Variants in ESRRG observed in about 807,000 individuals in gnomAD.
ESRRG encodes estrogen related receptor gamma, also known as estrogen-related receptor gamma.
In ESRRG, 13 loss-of-function variants were observed where a neutral mutation model predicts 44.0. The ratio of observed to expected loss-of-function variants is 0.30; its 90% CI spans 0.19 to 0.47. The LOEUF (loss-of-function observed/expected upper bound fraction) is 0.47, where lower values mean the gene tolerates loss of function less well. ESRRG is among the 20% of genes least tolerant of loss of function. The probability of loss-of-function intolerance (pLI) is 1.00; values close to 1 mark genes in which losing one functional copy is unlikely to be tolerated. For synonymous variants in ESRRG, 215 were observed against 214.6 expected (o/e 1.00, Z -0.02); for missense variants, 395 against 580.6 (o/e 0.68, Z 3.29).
At chr1:216,995,539 T>C (rs2076265276) in intron 1 of ESRRG, among the ~76,000 whole-genome samples, 2 of 152,222 alleles carry the variant, frequency 1.3e-5, no homozygotes, top group Admixed American at 1.3e-4. Flanking sequence ...GAATTGCCAC[T>C]TTCTACCGCT....
At chr1:216,751,360 G>T (rs1576140391) in intron 2 of ESRRG, among the ~76,000 whole-genome samples, 1 of 152,126 alleles carries the variant, frequency 6.6e-6, no homozygotes, top group Non-Finnish European at 1.5e-5. Flanking sequence ...GTGAGAAGAG[G>T]TTGCAGAATT....
rs116171848 is a variant in ESRRG at position 216,544,184 on chromosome 1, T to A, written c.862+20035A>T. Among the ~76,000 whole-genome samples the A allele has an allele frequency of 8.6e-3, 1,315 of 152,130 alleles. 20 individuals carry two copies. The highest frequency in any genetic ancestry group is 0.03 in the African/African-American group (1,252 of 41,502). ...CTCAACATCATTGTGCATATGATAATCATTGTCATTATTATTTTTTCATCA... is the reference window on the plus strand; with the variant it reads ...CTCAACATCATTGTGCATATGATAAACATTGTCATTATTATTTTTTCATCA... On this transcript the variant is annotated intron_variant, in intron 5 of 6. Coordinates refer to ENST00000408911, the MANE Select transcript of ESRRG (RefSeq NM_001438.4).
intron 1 of ESRRG, among the ~76,000 whole-genome samples, chr1:217,001,798 G>A (rs2077065730): frequency 6.6e-6 from 1 of 152,092 alleles, no homozygotes. Flanking sequence ...TTTACTGAAG[G>A]AAATGGAGAA....
At position 216,912,187 on chromosome 1, in the gene ESRRG, AGAGGAGAGGAGAGGAGAGGAGAGG is replaced by A. The variant is rs2060505074; in HGVS notation, c.-14+27371_-14+27394del. Among the ~76,000 whole-genome samples the A allele has an allele frequency of 4.0e-3, 38 of 9,412 alleles. 2 individuals carry two copies. The highest frequency in any genetic ancestry group is 0.02 in the African/African-American group (32 of 1,596). 6.2% of individuals were successfully genotyped at this position (9,412 alleles called of 152,430 possible). ...AAAGAAAAGAAAAGAAAAGAAAAGGAGAGGAGAGGAGAGGAGAGGAGAGGAGAGGAGAGGAGAGGAGAGGAGAGG... is the reference window on the plus strand; with the variant it reads ...AAAGAAAAGAAAAGAAAAGAAAAGGAAGAGGAGAGGAGAGGAGAGGAGAGG... On this transcript the variant is annotated intron_variant, in intron 2 of 7. Coordinates refer to the ESRRG transcript ENST00000359162.
At position 216,744,730 on chromosome 1, in the gene ESRRG, T is replaced by C. The variant is rs141283820; in HGVS notation, c.-13-67239A>G. Among the ~76,000 whole-genome samples, 686 of 152,312 alleles carry C rather than the reference T, an allele frequency of 4.5e-3. 18 individuals are homozygous for C. Among genetic ancestry groups the C allele is most frequent in the Admixed American group, 0.025 (375 of 15,298 alleles). ...TAGTCTCTTTTTGGCTACAAATGTG[T>C]CCCATCTTCCATCTGTTCTTCTAGC... On this transcript the variant is annotated intron_variant, in intron 2 of 7. Coordinates refer to the ESRRG transcript ENST00000359162.
chr1:216,734,158 CATTGAGTAAACTTCTTG>C (rs2089430721), intron 2 of ESRRG, among the ~76,000 whole-genome samples: 1 of 152,082 alleles, frequency 6.6e-6, no homozygotes, highest in South Asian at 2.1e-4. Context: ...CTCTGCCTTC[CATTGAGTAAACTTCTTG>C]ATGGCCTTTA....
At chr1:217,101,523 T>A (rs539754091) in intron 1 of ESRRG, among the ~76,000 whole-genome samples, 11 of 152,150 alleles carry the variant, frequency 7.2e-5, no homozygotes, top group Non-Finnish European at 1.5e-4. Flanking sequence ...AGATAGAAAA[T>A]TGAATTAATT....
At chr1:216,630,445 A>AACACACACAT (rs1553438845) in intron 3 of ESRRG, among the ~76,000 whole-genome samples, 1 of 146,388 alleles carries the variant, frequency 6.8e-6, no homozygotes, top group African/African-American at 2.6e-5. Flanking sequence ...TGTGCGTGTG[A>AACACACACAT]ACACACACAC....
chr1:216,927,349 C>T (rs1295829916), intron 2 of ESRRG, among the ~76,000 whole-genome samples: 1 of 152,124 alleles, frequency 6.6e-6, no homozygotes, highest in Non-Finnish European at 1.5e-5. Context: ...GGGAGGGAGC[C>T]TGAAGACGGC....
intron 2 of ESRRG, among the ~76,000 whole-genome samples, chr1:216,751,956 G>A (rs188275800): frequency 6.6e-6 from 1 of 152,256 alleles, no homozygotes; most frequent in East Asian, 1.9e-4. Context: ...GAGTCATTAT[G>A]TAGAATGGGC....
At position 216,801,645 on chromosome 1, in the gene ESRRG, G is replaced by A. The variant is rs11572603; in HGVS notation, c.-13-124154C>T. 3.0e-3 allele frequency among the ~76,000 whole-genome samples: 464 copies of A among 152,210 alleles called. 10 individuals carry two copies. In the East Asian group the frequency reaches 0.04, roughly 13 times the overall value. On this transcript the variant is annotated intron_variant, in intron 2 of 7. Coordinates refer to the ESRRG transcript ENST00000359162. The stretch of plus-strand genomic sequence containing the variant: ...AGGATAGCCATCCTAACAGGTGTGA[G>A]ATGATATGTCATTGTGGTTTCGATT...
intron 1 of ESRRG, chr1:216,701,595 A>G (rs1296972463): frequency 6.6e-6 from 1 of 152,220 alleles, no homozygotes; most frequent in Non-Finnish European, 1.5e-5. Flanking sequence ...TGACATCCCA[A>G]AACAAAAGAT....
chr1:216,908,838 A>AT (rs2059981591), intron 2 of ESRRG, among the ~76,000 whole-genome samples: 1 of 151,832 alleles, frequency 6.6e-6, no homozygotes, highest in Non-Finnish European at 1.5e-5. Flanking sequence ...CTAGAAAAAA[A>AT]AAAAAACATA....
chr1:216,981,462 T>C (rs1408987458), intron 1 of ESRRG, among the ~76,000 whole-genome samples: 3 of 152,162 alleles, frequency 2.0e-5, no homozygotes, highest in African/African-American at 7.2e-5. Flanking sequence ...TTCATAGTGC[T>C]GTCATGAGGA....
intron 1 of ESRRG, among the ~76,000 whole-genome samples, chr1:217,020,093 C>T (rs1284078023): frequency 6.6e-6 from 1 of 152,144 alleles, no homozygotes; most frequent in Non-Finnish European, 1.5e-5. Context: ...TCTCCCTTTC[C>T]TCCTCTTCCC....
chr1:216,921,246 A>G (rs968832635), intron 2 of ESRRG, among the ~76,000 whole-genome samples: 5 of 152,122 alleles, frequency 3.3e-5, no homozygotes, highest in Non-Finnish European at 7.4e-5. Context: ...TGGAGGAGTA[A>G]GACAGTGTGT....
At chr1:216,930,166 T>G (rs563604283) in intron 2 of ESRRG, among the ~76,000 whole-genome samples, 1 of 152,298 alleles carries the variant, frequency 6.6e-6, no homozygotes, top group East Asian at 1.9e-4. Context: ...TCACACATCC[T>G]TATTTTTCTC....
At chr1:216,866,033 G>A (rs1453925137) in intron 2 of ESRRG, among the ~76,000 whole-genome samples, 1 of 152,166 alleles carries the variant, frequency 6.6e-6, no homozygotes, top group Non-Finnish European at 1.5e-5. Flanking sequence ...AACTGTGCTT[G>A]AAATAAGCTG....
At chr1:216,586,435 T>G (rs550724504) in intron 3 of ESRRG, among the ~76,000 whole-genome samples, 4 of 152,208 alleles carry the variant, frequency 2.6e-5, no homozygotes, top group Admixed American at 2.6e-4. Context: ...GTTAAAAGTT[T>G]CATTAATTTT....
Sources: gnomAD v4.1 joint callset for allele counts (sites outside exome capture counted in the v4.1 genomes callset) on GRCh38, gnomAD v4.1.1 for gene constraint, MANE v1.5 for transcripts, NCBI Gene and HGNC (gene_info 2026-07-23, HGNC 2026-07-21) for gene names.